Variants in KRTAP2-3 observed in about 807,000 individuals in gnomAD.
KRTAP2-3 encodes the protein keratin-associated protein 2-3.
KRTAP2-3 carries 9 observed loss-of-function variants against 11.2 expected under a neutral mutation model. The ratio of observed to expected loss-of-function variants is 0.80; its 90% CI spans 0.48 to 1.40. The LOEUF (loss-of-function observed/expected upper bound fraction) is 1.40. KRTAP2-3 is among the 40% of genes most tolerant of loss of function. KRTAP2-3 has a pLI of 0.00. For missense variants in KRTAP2-3, 93 were observed against 176.8 expected (o/e 0.53, Z 2.69); for synonymous variants, 45 against 76.2 (o/e 0.59, Z 2.13).
In KRTAP2-3 at chr17:41,060,004, C is replaced by G. The variant is rs36006291; in HGVS notation, c.47G>C (p.Gly16Ala). ...CGSTLSSLSYGGGCCQPCCCR... is the reference protein window; with the variant it reads ...CGSTLSSLSYAGGCCQPCCCR... ...GCAGCAGGGCTGGCAGCAGCCTCCC[C>G]CGTAGCTCAGGGAGGACAAGGTGGA... Residue 16 changes from glycine to alanine, a missense_variant, in exon 1 of 1, where the codon GGG becomes GCG. Physicochemically the swap from Gly to Ala is moderately conservative, Grantham distance 60. Coordinates refer to ENST00000391418, the MANE Select transcript of KRTAP2-3 (RefSeq NM_001165252.2). 2.3e-3 allele frequency: 3,553 copies of G among 1,532,512 alleles called. 74 individuals are homozygous for G. In the African/African-American group the frequency reaches 0.039, roughly 17 times the overall value. The allele number at this position is 1,532,512 out of a possible 1,614,324, so 94.9% of individuals were successfully genotyped here. A position where few individuals can be genotyped will look rare whatever the true frequency, so the allele number is the denominator to read the frequency against.
At position 41,059,451 on chromosome 17, in the gene KRTAP2-3, A is replaced by C; in HGVS notation, c.*213T>G. The stretch of plus-strand genomic sequence containing the variant: ...TCAAGCCAGGAATTCGAATGATGAA[A>C]GCTGGAATTTTTCTCAAGATTGTCA... On this transcript the variant is annotated 3_prime_UTR_variant, in exon 1 of 1. Transcript: ENST00000391418. 1.1e-6 allele frequency: 1 copy of C among 873,114 alleles called. No homozygotes were observed. The highest frequency in any genetic ancestry group is 1.6e-6 in the Non-Finnish European group (1 of 614,752). 54.1% of individuals were successfully genotyped at this position (873,114 alleles called of 1,614,324 possible).
rs2013140612 is a variant in KRTAP2-3, at chr17:41,059,525, G to GTTAT, written c.*135_*138dup. The GTTAT allele has an allele frequency of 2.2e-6, 3 of 1,348,042 alleles. No individual in the cohort carries two copies. In the African/African-American group the frequency reaches 4.4e-5, roughly 20 times the overall value. 83.5% of individuals were successfully genotyped at this position (1,348,042 alleles called of 1,614,324 possible). On this transcript the variant is annotated 3_prime_UTR_variant, in exon 1 of 1. Coordinates refer to ENST00000391418, the MANE Select transcript of KRTAP2-3 (RefSeq NM_001165252.2). ...AATTATGTGGGGAAATAGATAGGATGTTATTGTTGAATTCGTGCTTGAGGA... is the reference window on the plus strand; with the variant it reads ...AATTATGTGGGGAAATAGATAGGATGTTATTTATTGTTGAATTCGTGCTTGAGGA...
rs968973148 is a variant in KRTAP2-3, at chr17:41,059,416, G to GT, written c.*247dup. 18,692 of 542,636 alleles carry GT rather than the reference G, an allele frequency of 0.034. No individual in the cohort carries two copies. Among genetic ancestry groups the GT allele is most frequent in the South Asian group, 0.046 (1,507 of 32,740 alleles). 33.6% of individuals were successfully genotyped at this position (542,636 alleles called of 1,614,324 possible). On this transcript the variant is annotated 3_prime_UTR_variant, in exon 1 of 1. Transcript: ENST00000391418. Reference sequence around the variant, plus strand: ...GAGGAGCTTTGATTTTTATTTACTCGTTTTTTTTTTCAAGCCAGGAATTCG... The same window carrying GT: ...GAGGAGCTTTGATTTTTATTTACTCGTTTTTTTTTTTCAAGCCAGGAATTCG...
In KRTAP2-3 at chr17:41,059,272, T is replaced by A. The variant is rs1027217126; in HGVS notation, c.*392A>T. 3.8e-5 allele frequency: 8 copies of A among 210,226 alleles called. No homozygotes were observed. The highest frequency in any genetic ancestry group is 5.6e-5 in the Non-Finnish European group (6 of 107,722). 13.0% of individuals were successfully genotyped at this position (210,226 alleles called of 1,614,324 possible). A position where few individuals can be genotyped will look rare whatever the true frequency, so the allele number is the denominator to read the frequency against. ...CCCCAGAAATATAATTTTATTTTTT[T>A]TTACAGTGCAAAAATACAGCATACA... On this transcript the variant is annotated 3_prime_UTR_variant, in exon 1 of 1. Transcript: ENST00000391418.
At position 41,059,760 on chromosome 17, in the gene KRTAP2-3, G is replaced by C. The variant is rs1335501193; in HGVS notation, c.291C>G (p.Thr97=). 6.5e-7 allele frequency: 1 copy of C among 1,549,518 alleles called. No individual in the cohort carries two copies. Among genetic ancestry groups the C allele is most frequent in the African/African-American group, 1.4e-5 (1 of 73,240 alleles). The part of the protein sequence containing the change: ...VVCRPCCWAT[T]CCQPVSVQSP... Reference sequence around the variant, plus strand: ...ACTGCACAGACACAGGCTGGCAGCAGGTGGTGGCCCAGCAGCAGGGCCTGC... The same window carrying C: ...ACTGCACAGACACAGGCTGGCAGCACGTGGTGGCCCAGCAGCAGGGCCTGC... The change falls in exon 1 of 1, where the codon ACC becomes ACG. Residue 97 remains threonine, a synonymous_variant. Coordinates refer to ENST00000391418, the MANE Select transcript of KRTAP2-3 (RefSeq NM_001165252.2).
Position 41,059,853 on chromosome 17 carries a change from G to C in KRTAP2-3, c.198C>G (p.Pro66=). Residue 66 remains proline, a synonymous_variant, in exon 1 of 1, where the codon CCC becomes CCG. Transcript: ENST00000391418. ...GGCAGCAGCCTTCCTGCAGGGAGCA[G>C]GGGTCGCAGCACACCGGGCGGCGGC... ...EPCRRPVCCD[P]CSLQEGCCRP... 1.3e-6 allele frequency: 2 copies of C among 1,525,712 alleles called. No individual in the cohort carries two copies. Among genetic ancestry groups the C allele is most frequent in the African/African-American group, 1.4e-5 (1 of 72,792 alleles). The allele number at this position is 1,525,712 out of a possible 1,614,324, so 94.5% of individuals were successfully genotyped here. A position where few individuals can be genotyped will look rare whatever the true frequency, so the allele number is the denominator to read the frequency against.
Position 41,059,327 on chromosome 17 carries a change from C to T in KRTAP2-3, c.*337G>A, listed in dbSNP as rs2013136420. On this transcript the variant is annotated 3_prime_UTR_variant, in exon 1 of 1. Transcript: ENST00000391418. ...GTATTATCCTGGAAGAAAAAAATCTCATCTGAGAACCTTGAAACAGTAGAA... is the reference window on the plus strand; with the variant it reads ...GTATTATCCTGGAAGAAAAAAATCTTATCTGAGAACCTTGAAACAGTAGAA... 1.6e-5 allele frequency: 6 copies of T among 365,650 alleles called. No homozygotes were observed. The highest frequency in any genetic ancestry group is 4.4e-5 in the East Asian group (1 of 22,716). 22.7% of individuals were successfully genotyped at this position (365,650 alleles called of 1,614,324 possible).
In KRTAP2-3 at chr17:41,060,083, T is replaced by C; in HGVS notation, c.-33A>G. On this transcript the variant is annotated 5_prime_UTR_variant, in exon 1 of 1. Transcript: ENST00000391418. ...TCTGAGGCTGGTGTGGGTTGGGCTG[T>C]TGAGAGGAGCTGGATGTTCTCAGGT... 6.5e-7 allele frequency: 1 copy of C among 1,545,796 alleles called. No homozygotes were observed. Among genetic ancestry groups the C allele is most frequent in the South Asian group, 1.2e-5 (1 of 83,568 alleles).
At position 41,059,481 on chromosome 17, in the gene KRTAP2-3, G is replaced by T; in HGVS notation, c.*183C>A. 9.5e-7 allele frequency: 1 copy of T among 1,057,340 alleles called. No homozygotes were observed. Among genetic ancestry groups the T allele is most frequent in the Non-Finnish European group, 1.3e-6 (1 of 777,196 alleles). The allele number at this position is 1,057,340 out of a possible 1,614,324, so 65.5% of individuals were successfully genotyped here. A position where few individuals can be genotyped will look rare whatever the true frequency, so the allele number is the denominator to read the frequency against. On this transcript the variant is annotated 3_prime_UTR_variant, in exon 1 of 1. Coordinates refer to ENST00000391418, the MANE Select transcript of KRTAP2-3 (RefSeq NM_001165252.2). ...GAATTTTTCTCAAGATTGTCAGAGA[G>T]GGCCAGGATTAGCTGCATAATTATG...
At position 41,059,506 on chromosome 17, in the gene KRTAP2-3, G is replaced by C. The variant is rs573178800; in HGVS notation, c.*158C>G. ...GGGCCAGGATTAGCTGCATAATTAT[G>C]TGGGGAAATAGATAGGATGTTATTG... On this transcript the variant is annotated 3_prime_UTR_variant, in exon 1 of 1. Coordinates refer to ENST00000391418, the MANE Select transcript of KRTAP2-3 (RefSeq NM_001165252.2). The C allele has an allele frequency of 3.2e-6, 4 of 1,253,192 alleles. No individual in the cohort carries two copies. Among genetic ancestry groups the C allele is most frequent in the Non-Finnish European group, 3.2e-6 (3 of 931,742 alleles). 77.6% of individuals were successfully genotyped at this position (1,253,192 alleles called of 1,614,324 possible).
chr17:41,059,938 G>T lies in KRTAP2-3; in HGVS notation c.113C>A (p.Thr38Asn), dbSNP rs1036996607. ...PCCCRPVTCQ[T>N]TVCRPVTCVP... ...GCAGGTCACGGGGCGGCACACGGTG[G>T]TCTGGCAGGTCACGGGGCGGCAGCA... Residue 38 changes from threonine to asparagine, a missense_variant, in exon 1 of 1, where the codon ACC becomes AAC. Physicochemically the swap from Thr to Asn is moderately conservative, Grantham distance 65. Transcript: ENST00000391418. 6.6e-7 allele frequency: 1 copy of T among 1,517,238 alleles called. No homozygotes were observed. Among genetic ancestry groups the T allele is most frequent in the African/African-American group, 1.4e-5 (1 of 72,664 alleles). The allele number at this position is 1,517,238 out of a possible 1,614,324, so 94.0% of individuals were successfully genotyped here.
chr17:41,060,082 G>A lies in KRTAP2-3; in HGVS notation c.-32C>T, dbSNP rs140808126. On this transcript the variant is annotated 5_prime_UTR_variant, in exon 1 of 1. Transcript: ENST00000391418. ...GTCTGAGGCTGGTGTGGGTTGGGCT[G>A]TTGAGAGGAGCTGGATGTTCTCAGG... The A allele has an allele frequency of 4.1e-3, 6,343 of 1,543,814 alleles. 92 individuals carry two copies. Among genetic ancestry groups the A allele is most frequent in the African/African-American group, 0.023 (1,694 of 72,384 alleles).
At position 41,059,330 on chromosome 17, in the gene KRTAP2-3, C is replaced by T. The variant is rs551571417; in HGVS notation, c.*334G>A. 6 of 376,834 alleles carry T rather than the reference C, an allele frequency of 1.6e-5. No individual in the cohort carries two copies. In the East Asian group the frequency reaches 2.6e-4, roughly 16 times the overall value. 23.3% of individuals were successfully genotyped at this position (376,834 alleles called of 1,614,324 possible). A position where few individuals can be genotyped will look rare whatever the true frequency, so the allele number is the denominator to read the frequency against. The stretch of plus-strand genomic sequence containing the variant: ...TTATCCTGGAAGAAAAAAATCTCAT[C>T]TGAGAACCTTGAAACAGTAGAAAAA... On this transcript the variant is annotated 3_prime_UTR_variant, in exon 1 of 1. Coordinates refer to ENST00000391418, the MANE Select transcript of KRTAP2-3 (RefSeq NM_001165252.2).
chr17:41,059,922 G>A lies in KRTAP2-3; in HGVS notation c.129C>T (p.Pro43=), dbSNP rs111356687. 7.2e-5 allele frequency: 109 copies of A among 1,507,880 alleles called. 3 individuals carry two copies. The highest frequency in any genetic ancestry group is 8.7e-5 in the Non-Finnish European group (99 of 1,131,830). 93.4% of individuals were successfully genotyped at this position (1,507,880 alleles called of 1,614,324 possible). Residue 43 remains proline, a synonymous_variant, in exon 1 of 1, where the codon CCC becomes CCT. Transcript: ENST00000391418. ...GCGTGCAGCGGGGCACGCAGGTCACGGGGCGGCACACGGTGGTCTGGCAGG... is the reference window on the plus strand; with the variant it reads ...GCGTGCAGCGGGGCACGCAGGTCACAGGGCGGCACACGGTGGTCTGGCAGG... ...PVTCQTTVCR[P]VTCVPRCTRP...
chr17:41,059,804 A>G lies in KRTAP2-3; in HGVS notation c.247T>C (p.Ser83Pro). The change falls in exon 1 of 1, where the codon TCG (serine) becomes CCG (proline). Residue 83 changes from serine (S) to proline (P), a missense_variant. Ser to Pro is a moderately conservative substitution (Grantham distance 74). Transcript: ENST00000391418. ...CCRPITCCPS[S>P]CTAVVCRPCC... The stretch of plus-strand genomic sequence containing the variant: ...GGCCTGCACACCACAGCCGTGCACG[A>G]CGAGGGGCAGCAGGTGATGGGGCGG... The G allele has an allele frequency of 1.3e-6, 2 of 1,540,490 alleles. No individual in the cohort carries two copies. The highest frequency in any genetic ancestry group is 2.7e-5 in the African/African-American group (2 of 72,940).
At position 41,059,733 on chromosome 17, in the gene KRTAP2-3, G is replaced by A. The variant is rs1192775332; in HGVS notation, c.318C>T (p.Ser106=). 1 of 1,554,308 alleles carries A rather than the reference G, an allele frequency of 6.4e-7. No individual in the cohort carries two copies. The highest frequency in any genetic ancestry group is 8.7e-7 in the Non-Finnish European group (1 of 1,149,240). The change falls in exon 1 of 1, where the codon TCC becomes TCT. Residue 106 remains serine, a synonymous_variant. Transcript: ENST00000391418. ...TTCCQPVSVQ[S]PCCRPPCGQP... ...GGCCGCAGGGAGGCCGGCAGCAGGG[G>A]GACTGCACAGACACAGGCTGGCAGC...
chr17:41,060,058 T>C lies in KRTAP2-3; in HGVS notation c.-8A>G, dbSNP rs1597962253. The C allele has an allele frequency of 4.0e-6, 6 of 1,497,212 alleles. No homozygotes were observed. The African/African-American group carries it at 4.7e-5, about 12-fold the overall frequency. The allele number at this position is 1,497,212 out of a possible 1,614,324, so 92.7% of individuals were successfully genotyped here. A position where few individuals can be genotyped will look rare whatever the true frequency, so the allele number is the denominator to read the frequency against. ...GCAGCAGGAGCCGGTCATGGTGGTG[T>C]CTGAGGCTGGTGTGGGTTGGGCTGT... is the stretch of plus-strand genomic sequence containing the variant. On this transcript the variant is annotated 5_prime_UTR_variant, in exon 1 of 1. Coordinates refer to ENST00000391418, the MANE Select transcript of KRTAP2-3 (RefSeq NM_001165252.2).
In KRTAP2-3 at chr17:41,059,898, C is replaced by T. The variant is rs1180875129; in HGVS notation, c.153G>A (p.Thr51=). The T allele has an allele frequency of 6.6e-7, 1 of 1,505,464 alleles. No homozygotes were observed. The highest frequency in any genetic ancestry group is 2.5e-5 in the East Asian group (1 of 40,532). The allele number at this position is 1,505,464 out of a possible 1,614,324, so 93.3% of individuals were successfully genotyped here. Residue 51 remains threonine, a synonymous_variant, in exon 1 of 1, where the codon ACG becomes ACA. Transcript: ENST00000391418. ...CRPVTCVPRC[T]RPICEPCRRP... is the part of the protein sequence containing the mutation. ...GGCGGCAGGGCTCGCAGATGGGGCGCGTGCAGCGGGGCACGCAGGTCACGG... is the reference window on the plus strand; with the variant it reads ...GGCGGCAGGGCTCGCAGATGGGGCGTGTGCAGCGGGGCACGCAGGTCACGG...
Position 41,060,096 on chromosome 17 carries a change from G to A in KRTAP2-3, c.-46C>T, listed in dbSNP as rs1167249554. 1.9e-6 allele frequency: 3 copies of A among 1,544,388 alleles called. No individual in the cohort carries two copies. Among genetic ancestry groups the A allele is most frequent in the South Asian group, 2.4e-5 (2 of 83,242 alleles). On this transcript the variant is annotated 5_prime_UTR_variant, in exon 1 of 1. Transcript: ENST00000391418. ...TGGGTTGGGCTGTTGAGAGGAGCTG[G>A]ATGTTCTCAGGTGTGAATGTCCTCG...
Sources: gnomAD v4.1 joint callset for allele counts on GRCh38, gnomAD v4.1.1 for gene constraint, MANE v1.5 for transcripts, NCBI Gene and HGNC (gene_info 2026-07-23, HGNC 2026-07-21) for gene names.